The following SLC25A40 variants were observed in gnomAD, a reference collection of about 807,000 sequenced individuals.
The protein encoded by SLC25A40 is mitochondrial glutathione transporter SLC25A40.
In SLC25A40, 41 loss-of-function variants were observed where a neutral mutation model predicts 46.5. The observed-to-expected ratio is 0.88, with a 90% CI of 0.69 to 1.14. The LOEUF (loss-of-function observed/expected upper bound fraction) is 1.14. Ranked by LOEUF, SLC25A40 falls within the 50% of genes most tolerant of loss-of-function variation. The pLI, the probability that SLC25A40 is intolerant of heterozygous loss-of-function variation, is 0.00. For synonymous variants in SLC25A40, 126 were observed against 127.5 expected (o/e 0.99, Z 0.08); for missense variants, 386 against 393.6 (o/e 0.98, Z 0.16).
At chr7:87,848,559 T>C (rs1401410634) in intron 6 of SLC25A40, among the ~76,000 whole-genome samples, 2 of 152,208 alleles carry the variant, frequency 1.3e-5, no homozygotes, top group Non-Finnish European at 2.9e-5. Flanking sequence ...ACGTGAGAAA[T>C]TGTAAAACAT....
intron 1 of SLC25A40, among the ~76,000 whole-genome samples, chr7:87,868,323 A>C (rs1342877732): frequency 1.3e-5 from 2 of 152,238 alleles, no homozygotes; most frequent in Non-Finnish European, 2.9e-5. Flanking sequence ...CAGAAGAATC[A>C]ACAAAGAATT....
chr7:87,856,818 T>C (rs984168499), intron 3 of SLC25A40, among the ~76,000 whole-genome samples: 1 of 152,162 alleles, frequency 6.6e-6, no homozygotes, highest in African/African-American at 2.4e-5. Context: ...TAGCACTAAG[T>C]TATGTTATTC....
At chr7:87,868,305 T>G (rs1167464102) in intron 1 of SLC25A40, among the ~76,000 whole-genome samples, 2 of 152,212 alleles carry the variant, frequency 1.3e-5, no homozygotes, top group African/African-American at 4.8e-5. Context: ...TTTCCTCTGC[T>G]CTCACACCAG....
At chr7:87,874,216 AGGGT>A (rs1838939278) in intron 1 of SLC25A40, among the ~76,000 whole-genome samples, 1 of 152,232 alleles carries the variant, frequency 6.6e-6, no homozygotes, top group South Asian at 2.1e-4. Flanking sequence ...AGTGCAGTCG[AGGGT>A]GAGTCTAACC....
intron 1 of SLC25A40, among the ~76,000 whole-genome samples, chr7:87,874,544 C>T (rs1157955817): frequency 6.6e-6 from 1 of 152,138 alleles, no homozygotes; most frequent in Non-Finnish European, 1.5e-5. Context: ...ACCAAGGATA[C>T]CTGAAACGCC....
chr7:87,836,241 C>A lies in SLC25A40; in HGVS notation c.*8G>T, dbSNP rs376423146. The A allele has an allele frequency of 9.7e-6, 15 of 1,550,960 alleles. No homozygotes were observed. Among genetic ancestry groups the A allele is most frequent in the Non-Finnish European group, 1.2e-5 (14 of 1,139,256 alleles). ...CTATAGTTGTTGTTTCAAGTTGAAA[C>A]AGCATCACTAGTATTGCTGCCTTCG... On this transcript the variant is annotated 3_prime_UTR_variant, in exon 12 of 12. Transcript: ENST00000341119.
chr7:87,838,327 C>T (rs944936863), intron 10 of SLC25A40, among the ~76,000 whole-genome samples: 10 of 151,304 alleles, frequency 6.6e-5, no homozygotes, highest in African/African-American at 1.9e-4. Context: ...ACTCATGCCC[C>T]AAACTAGTTT....
intron 1 of SLC25A40, among the ~76,000 whole-genome samples, chr7:87,870,182 T>C (rs1838874449): frequency 1.3e-5 from 2 of 151,494 alleles, no homozygotes; most frequent in South Asian, 4.2e-4. Context: ...TTCATATTTT[T>C]TGGATACTAG....
Position 87,856,318 on chromosome 7 carries a change from T to TG in SLC25A40, c.130dup (p.Gln44ProfsTer16). The TG allele has an allele frequency of 6.2e-7, 1 of 1,613,456 alleles. No individual in the cohort carries two copies. Among genetic ancestry groups the TG allele is most frequent in the East Asian group, 2.2e-5 (1 of 44,806 alleles). On this transcript the variant is annotated frameshift_variant, in exon 4 of 12. Transcript: ENST00000341119. LOFTEE classifies it high-confidence loss of function. ...TTTGGGGAGTGGGTTGTTTTGGGCT[T>TG]GGAGTCTAATTTTAACAACATCCAG...
At chr7:87,842,089 C>A in intron 9 of SLC25A40, 1 of 332,156 alleles carries the variant, frequency 3.0e-6, no homozygotes, top group East Asian at 1.1e-4. Context: ...CAGAAATTCT[C>A]AAGTATCTAG....
At chr7:87,838,387 C>G (rs1297443343) in intron 10 of SLC25A40, among the ~76,000 whole-genome samples, 1 of 151,432 alleles carries the variant, frequency 6.6e-6, no homozygotes, top group East Asian at 1.9e-4. Flanking sequence ...AGAGTATCAA[C>G]TGAAGGTAAG....
rs1327213453 is a variant in SLC25A40 at position 87,843,667 on chromosome 7, CTCAA to C, written c.741+83_741+86del. ...TTCAAGCAGTGCAGCCAAAGTGGAT[CTCAA>C]TATACATGAGATGCTATATTTTGTT... On this transcript the variant is annotated intron_variant, in intron 9 of 11. Coordinates refer to ENST00000341119, the MANE Select transcript of SLC25A40 (RefSeq NM_018843.4). The C allele has an allele frequency of 4.1e-5, 39 of 946,402 alleles. 1 individual carries two copies. The highest frequency in any genetic ancestry group is 3.7e-4 in the South Asian group (23 of 62,898). The allele number at this position is 946,402 out of a possible 1,614,324, so 58.6% of individuals were successfully genotyped here. A position where few individuals can be genotyped will look rare whatever the true frequency, so the allele number is the denominator to read the frequency against.
chr7:87,843,623 G>A, intron 9 of SLC25A40, 131 bp downstream of exon 9: 1 of 583,692 alleles, frequency 1.7e-6, no homozygotes, highest in South Asian at 2.3e-5. Flanking sequence ...AAAATAGATG[G>A]AAAATACTTA....
At chr7:87,853,340 A>G (rs1160748188) in intron 5 of SLC25A40, among the ~76,000 whole-genome samples, 3 of 152,232 alleles carry the variant, frequency 2.0e-5, no homozygotes, top group Non-Finnish European at 4.4e-5. Context: ...ACACTAGTGA[A>G]GATGTGGAGA....
chr7:87,874,032 A>C (rs560556366), intron 1 of SLC25A40, among the ~76,000 whole-genome samples: 1 of 152,364 alleles, frequency 6.6e-6, no homozygotes, highest in South Asian at 2.1e-4. Flanking sequence ...TTACTGGACA[A>C]TAAAAAGGAG....
At chr7:87,874,179 T>C (rs987647777) in intron 1 of SLC25A40, among the ~76,000 whole-genome samples, 5 of 152,224 alleles carry the variant, frequency 3.3e-5, no homozygotes, top group Non-Finnish European at 7.3e-5. Context: ...ACTTCCTGCT[T>C]ATTTATTGCT....
At position 87,860,595 on chromosome 7, in the gene SLC25A40, T is replaced by C. The variant is rs553939089; in HGVS notation, c.-48A>G. 50 of 152,296 alleles carry C rather than the reference T, an allele frequency of 3.3e-4. No individual in the cohort carries two copies. The highest frequency in any genetic ancestry group is 1.2e-3 in the African/African-American group (49 of 41,570). 9.4% of individuals were successfully genotyped at this position (152,296 alleles called of 1,614,324 possible). A position where few individuals can be genotyped will look rare whatever the true frequency, so the allele number is the denominator to read the frequency against. Reference sequence around the variant, plus strand: ...ACCTGGTTTGAGTCTGTTCTTCAACTCTATGCTCCAATATTTTATTGTTTG... The same window carrying C: ...ACCTGGTTTGAGTCTGTTCTTCAACCCTATGCTCCAATATTTTATTGTTTG... On this transcript the variant is annotated 5_prime_UTR_variant, in exon 2 of 12. Transcript: ENST00000341119.
intron 10 of SLC25A40, among the ~76,000 whole-genome samples, chr7:87,841,409 CT>C (rs1440391011): frequency 2.0e-5 from 3 of 151,560 alleles, no homozygotes; most frequent in South Asian, 4.1e-4. Flanking sequence ...TCAGACTTAA[CT>C]GATGGCATTC....
chr7:87,837,285 G>A (rs1033288795), intron 10 of SLC25A40: 1 of 150,056 alleles, frequency 6.7e-6, no homozygotes, highest in Non-Finnish European at 1.5e-5. Flanking sequence ...ACCTTCATGG[G>A]GTATCCAATG....
Sources: allele counts gnomAD v4.1 joint callset (sites outside exome capture counted in the v4.1 genomes callset), GRCh38; gene constraint gnomAD v4.1.1; transcripts MANE v1.5; gene names NCBI Gene and HGNC (gene_info 2026-07-23, HGNC 2026-07-21).